The following NAALADL2 variants were observed in gnomAD, a reference collection of about 807,000 sequenced individuals.
The protein encoded by NAALADL2 is N-acetylated alpha-linked acidic dipeptidase like 2.
In NAALADL2, 76 loss-of-function variants were observed where a neutral mutation model predicts 87.2. The ratio of observed to expected loss-of-function variants is 0.87; its 90% CI spans 0.72 to 1.05. The LOEUF (loss-of-function observed/expected upper bound fraction) is 1.05. NAALADL2 is among the 50% of genes least tolerant of loss of function. The pLI is 0.00. For synonymous variants in NAALADL2, 354 were observed against 331.0 expected, an observed-to-expected ratio of 1.07 and a Z score of -0.75; for missense variants, 1,089 against 945.8, an observed-to-expected ratio of 1.15 and a Z score of -1.99.
At chr3:175,369,289 TATGTG>T (rs1244598797) in intron 5 of NAALADL2, among the ~76,000 whole-genome samples, 1 of 151,346 alleles carries the variant, frequency 6.6e-6, no homozygotes, top group African/African-American at 2.4e-5. Flanking sequence ...ATACACCTGA[TATGTG>T]CATGTGTAAT....
intron 5 of NAALADL2, among the ~76,000 whole-genome samples, chr3:175,408,272 T>G (rs959612394): frequency 2.0e-5 from 3 of 152,098 alleles, no homozygotes; most frequent in Non-Finnish European, 4.4e-5. Flanking sequence ...AAAGAGTAGA[T>G]TTTTAATGTT....
chr3:175,221,328 T>C (rs185918974), intron 2 of NAALADL2, among the ~76,000 whole-genome samples: 1 of 152,298 alleles, frequency 6.6e-6, no homozygotes, highest in East Asian at 1.9e-4. Context: ...CTAACTTAAT[T>C]CCATTGAGTT....
At chr3:175,580,946 A>C (rs1259359976) in intron 10 of NAALADL2, among the ~76,000 whole-genome samples, 6 of 152,114 alleles carry the variant, frequency 3.9e-5, no homozygotes, top group Non-Finnish European at 7.4e-5. Flanking sequence ...ACTAGAAGTG[A>C]GAAAAATACA....
intron 3 of NAALADL2, among the ~76,000 whole-genome samples, chr3:174,775,662 T>A (rs1306945981): frequency 1.3e-5 from 2 of 152,070 alleles, no homozygotes. Context: ...ACAGTGCAGA[T>A]CTCCCCACAG....
chr3:175,318,488 C>T (rs1291693492), intron 4 of NAALADL2, among the ~76,000 whole-genome samples: 6 of 151,342 alleles, frequency 4.0e-5, no homozygotes, highest in Non-Finnish European at 8.8e-5. Context: ...TATTTTTTTC[C>T]TCAAAAAACT....
chr3:174,477,775 G>A (rs1278714522), intron 1 of NAALADL2, among the ~76,000 whole-genome samples: 1 of 152,214 alleles, frequency 6.6e-6, no homozygotes, highest in Non-Finnish European at 1.5e-5. Context: ...TGGGAAGTCA[G>A]TGAGTTAAGC....
chr3:175,386,425 T>G (rs183693869), intron 5 of NAALADL2, among the ~76,000 whole-genome samples: 135 of 152,210 alleles, frequency 8.9e-4, no homozygotes, highest in Non-Finnish European at 1.5e-3. Flanking sequence ...CTGATCTGTT[T>G]AGATTCAAAT....
At chr3:174,566,113 T>C (rs779221138) in intron 2 of NAALADL2, among the ~76,000 whole-genome samples, 13 of 151,896 alleles carry the variant, frequency 8.6e-5, no homozygotes, top group Non-Finnish European at 1.6e-4. Context: ...TTGAAATGTA[T>C]CATATATAGT....
At chr3:175,310,589 G>T (rs567842557) in intron 4 of NAALADL2, among the ~76,000 whole-genome samples, 12 of 151,650 alleles carry the variant, frequency 7.9e-5, no homozygotes, top group African/African-American at 2.4e-4. Context: ...TCTTAGTTAA[G>T]AATATTGGTA....
intron 5 of NAALADL2, among the ~76,000 whole-genome samples, chr3:175,394,234 T>A (rs189311256): frequency 1.2e-4 from 18 of 152,210 alleles, no homozygotes; most frequent in Admixed American, 5.9e-4. Context: ...GTTGAGAAGA[T>A]GAAAAAAAAG....
At chr3:174,819,778 C>G (rs1439103986) in intron 3 of NAALADL2, among the ~76,000 whole-genome samples, 1 of 152,140 alleles carries the variant, frequency 6.6e-6, no homozygotes, top group Non-Finnish European at 1.5e-5. Context: ...TAATCATCCA[C>G]CAGAGGTGGA....
chr3:175,153,049 A>G (rs1318743088), intron 2 of NAALADL2, among the ~76,000 whole-genome samples: 2 of 152,084 alleles, frequency 1.3e-5, no homozygotes, highest in Admixed American at 6.6e-5. Context: ...ATGCATACCT[A>G]TCTCTTATAT....
intron 2 of NAALADL2, among the ~76,000 whole-genome samples, chr3:174,618,639 T>A (rs903432306): frequency 6.6e-6 from 1 of 151,802 alleles, no homozygotes; most frequent in African/African-American, 2.4e-5. Context: ...GTGAAATCTT[T>A]TTCTGAGACA....
At chr3:175,169,605 C>A (rs1734496035) in intron 2 of NAALADL2, among the ~76,000 whole-genome samples, 1 of 151,512 alleles carries the variant, frequency 6.6e-6, no homozygotes, top group African/African-American at 2.4e-5. Flanking sequence ...TTTTGTAGTT[C>A]TTTTTTTCCA....
intron 1 of NAALADL2, among the ~76,000 whole-genome samples, chr3:174,450,392 A>T (rs1378275341): frequency 6.6e-6 from 1 of 152,172 alleles, no homozygotes; most frequent in African/African-American, 2.4e-5. Context: ...AAGGAAGAGG[A>T]TTTGGTTAAT....
At chr3:174,471,536 C>G (rs1196724254) in intron 1 of NAALADL2, among the ~76,000 whole-genome samples, 3 of 151,048 alleles carry the variant, frequency 2.0e-5, no homozygotes, top group Non-Finnish European at 2.9e-5. Flanking sequence ...CTATTGTTTT[C>G]TATTTTTTTC....
At chr3:175,034,475 G>T (rs1753172256) in intron 1 of NAALADL2, among the ~76,000 whole-genome samples, 1 of 152,024 alleles carries the variant, frequency 6.6e-6, no homozygotes. Flanking sequence ...CTGTTTCCTT[G>T]TATAGCCACA....
intron 2 of NAALADL2, among the ~76,000 whole-genome samples, chr3:174,630,714 T>C (rs1453384587): frequency 6.6e-6 from 1 of 152,156 alleles, no homozygotes; most frequent in East Asian, 1.9e-4. Context: ...CTAAGGAATT[T>C]GTCAAAGAGA....
Position 175,394,337 on chromosome 3 carries a change from T to C in NAALADL2, c.1091-52892T>C, listed in dbSNP as rs547467168. ...GAGGACTATAGTTAACAATGCATTGTATATTTTAAAATAATTTGAAGGGAG... is the reference window on the plus strand; with the variant it reads ...GAGGACTATAGTTAACAATGCATTGCATATTTTAAAATAATTTGAAGGGAG... On this transcript the variant is annotated intron_variant, in intron 5 of 13. Transcript: ENST00000454872. Among the ~76,000 whole-genome samples, 9 of 152,324 alleles carry C rather than the reference T, an allele frequency of 5.9e-5. 1 individual carries two copies. The highest frequency in any genetic ancestry group is 1.9e-4 in the African/African-American group (8 of 41,586).
Sources: gnomAD v4.1 joint callset for allele counts (sites outside exome capture counted in the v4.1 genomes callset) on GRCh38, gnomAD v4.1.1 for gene constraint, MANE v1.5 for transcripts, NCBI Gene and HGNC (gene_info 2026-07-23, HGNC 2026-07-21) for gene names.